The following ATG9B variants were observed in gnomAD, a reference collection of about 807,000 sequenced individuals.
ATG9B encodes the protein autophagy-related protein 9B.
A neutral mutation model predicts 92.9 loss-of-function variants in ATG9B; 92 were observed. The observed-to-expected ratio is 0.99, with a 90% CI of 0.84 to 1.18. ATG9B has a LOEUF of 1.18. Ranked by LOEUF, ATG9B falls within the 50% of genes most tolerant of loss-of-function variation. The pLI is 0.00. For missense variants in ATG9B, 1,344 were observed against 1,235.0 expected, an observed-to-expected ratio of 1.09 and a Z score of -1.32; for synonymous variants, 599 against 551.4, an observed-to-expected ratio of 1.09 and a Z score of -1.21.
At chr7:151,014,484 T>TA, downstream of ATG9B, 1 of 379,024 alleles carries the variant, frequency 2.6e-6, no homozygotes, top group Non-Finnish European at 4.7e-6. Context: ...AGGAGTATCT[T>TA]ACCTGTAAAG....
At chr7:151,019,408 C>T (rs371827481) in intron 5 of ATG9B, 34 bp from the exon 6 acceptor site, 2 of 1,496,518 alleles carry the variant, frequency 1.3e-6, no homozygotes, top group Non-Finnish European at 8.8e-7. Context: ...CAGCGACCCC[C>T]CATTCCTCTC....
At chr7:151,012,214 T>G (rs1584913599), downstream of ATG9B, 164 of 596,464 alleles carry the variant, frequency 2.7e-4, no homozygotes, top group Middle Eastern at 1.1e-3. Flanking sequence ...TAGAGTTGTT[T>G]TTTGTTTTTT....
rs751667981 is a variant in ATG9B, at chr7:151,018,927, G to A, written c.1411C>T (p.Arg471Cys). ...VFYSHVELLR[R>C]EPGALGARGW... ...CGCGCCCCCAGCGCGCCAGGCTCGC[G>A]CCGCAGCAGCTCCACGTGGCTATAG... Residue 471 changes from arginine to cysteine, a missense_variant, in exon 6 of 14, where the codon CGC becomes TGC. Transcript: ENST00000639579. This position sits in a 1 kb window ranked among gnomAD's most constrained non-coding sequence, Gnocchi z 4.7. 2.6e-6 allele frequency: 4 copies of A among 1,529,378 alleles called. No individual in the cohort carries two copies. The highest frequency in any genetic ancestry group is 2.6e-6 in the Non-Finnish European group (3 of 1,147,122). 94.7% of individuals were successfully genotyped at this position (1,529,378 alleles called of 1,614,324 possible).
chr7:151,014,374 G>A (rs1346137105), downstream of ATG9B: 2 of 567,148 alleles, frequency 3.5e-6, no homozygotes, highest in Non-Finnish European at 6.0e-6. Context: ...GCCTGGGTCC[G>A]CCTTAATCTG....
intron 8 of ATG9B, 52 bp downstream of exon 8, chr7:151,017,819 C>A (rs1584923597): frequency 1.3e-6 from 2 of 1,504,036 alleles, no homozygotes; most frequent in African/African-American, 2.8e-5. Flanking sequence ...TCCCGAGAGG[C>A]AAGCGAACTC....
intron 8 of ATG9B, among the ~76,000 whole-genome samples, 179 bp downstream of exon 8, chr7:151,017,692 A>G (rs1795557754): frequency 6.6e-6 from 1 of 152,188 alleles, no homozygotes; most frequent in South Asian, 2.1e-4. Context: ...TGCTCTGGAG[A>G]GCACATTGCC....
At chr7:151,023,367 A>G (rs1353725916) in intron 3 of ATG9B, 78 bp downstream of exon 3, 1 of 1,600,442 alleles carries the variant, frequency 6.2e-7, no homozygotes. Context: ...AGCAGCTGGC[A>G]CAATTAAGGA....
In ATG9B at chr7:151,024,102, C is replaced by G; in HGVS notation, c.322G>C (p.Ala108Pro). The G allele has an allele frequency of 6.2e-7, 1 of 1,605,452 alleles. No homozygotes were observed. Among genetic ancestry groups the G allele is most frequent in the Non-Finnish European group, 8.5e-7 (1 of 1,176,138 alleles). ...PTQAQPAMTP[A>P]SASPSWGSHS... is the part of the protein sequence containing the mutation. ...GATCCCCAGGAGGGAGATGCAGAGG[C>G]AGGTGTCATTGCAGGTTGAGCCTGT... Residue 108 changes from alanine to proline, a missense_variant, in exon 1 of 14, where the codon GCC becomes CCC. Physicochemically the swap from Ala to Pro is conservative, Grantham distance 27. Coordinates refer to ENST00000639579, the MANE Select transcript of ATG9B (RefSeq NM_001317056.2).
At chr7:151,013,269 C>T, downstream of ATG9B, 1 of 1,613,964 alleles carries the variant, frequency 6.2e-7, no homozygotes, top group Admixed American at 1.7e-5. Context: ...GTTCGGCTGC[C>T]GATGCTCCCA....
chr7:151,016,921 G>A, intron 9 of ATG9B, 100 bp from the exon 10 acceptor site: 2 of 1,514,996 alleles, frequency 1.3e-6, no homozygotes, highest in East Asian at 4.6e-5. Flanking sequence ...AGGAGAGCAG[G>A]CTGGGGGCGG....
In ATG9B at chr7:151,018,237, T is replaced by A; in HGVS notation, c.1872+57A>T. On this transcript the variant is annotated intron_variant, in intron 7 of 13. Coordinates refer to ENST00000639579, the MANE Select transcript of ATG9B (RefSeq NM_001317056.2). The surrounding 1 kb of genome is among the most constrained non-coding windows in gnomAD (Gnocchi z 4.7). ...ACAGACCCTCCGCGCAGACAGACCC[T>A]CCGCGCAGACAGACCCCACAACTTC... 6.7e-7 allele frequency: 1 copy of A among 1,501,412 alleles called. No individual in the cohort carries two copies. Among genetic ancestry groups the A allele is most frequent in the Non-Finnish European group, 8.8e-7 (1 of 1,134,266 alleles). 93.0% of individuals were successfully genotyped at this position (1,501,412 alleles called of 1,614,324 possible).
intron 13 of ATG9B, 70 bp from the exon 14 acceptor site, chr7:151,015,783 C>T: frequency 7.0e-7 from 1 of 1,423,236 alleles, no homozygotes; most frequent in Non-Finnish European, 9.3e-7. Context: ...CCTCCCATCA[C>T]CCCAAATTCC....
downstream of ATG9B, chr7:151,014,001 C>G (rs771308563): frequency 6.8e-6 from 11 of 1,611,502 alleles, no homozygotes; most frequent in Non-Finnish European, 8.5e-6. Flanking sequence ...GTGCTCTTTT[C>G]CGACAGGATC....
rs1273683599 is a variant in ATG9B, at chr7:151,018,024, G to C, written c.1899C>G (p.Ser633=). The change falls in exon 8 of 14, where the codon TCC becomes TCG. Residue 633 remains serine (S), a synonymous_variant. Coordinates refer to ENST00000639579, the MANE Select transcript of ATG9B (RefSeq NM_001317056.2). The surrounding 1 kb of genome is among the most constrained non-coding windows in gnomAD (Gnocchi z 4.7). ...RAVSLLEELL[S]PLLTPLFLLF... is the part of the protein sequence containing the mutation. ...GCAGAAACAGCGGGGTGAGGAGCGG[G>C]GACAGGAGCTCCTCCAGGAGGGAGA... 1.3e-6 allele frequency: 2 copies of C among 1,596,652 alleles called. No individual in the cohort carries two copies. The highest frequency in any genetic ancestry group is 2.7e-5 in the African/African-American group (2 of 74,798).
intron 11 of ATG9B, 48 bp downstream of exon 11, chr7:151,016,383 T>G: frequency 6.5e-7 from 1 of 1,538,942 alleles, no homozygotes; most frequent in Non-Finnish European, 8.8e-7. Context: ...TCCATGTTGT[T>G]CACCTGCCTT....
chr7:151,018,039 C>T lies in ATG9B; in HGVS notation c.1884G>A (p.Leu628=). ...QLLQYRAVSL[L]EELLSPLLTP... Reference sequence around the variant, plus strand: ...TGAGGAGCGGGGACAGGAGCTCCTCCAGGAGGGAGACCTGGGGAAGCAGCG... The same window carrying T: ...TGAGGAGCGGGGACAGGAGCTCCTCTAGGAGGGAGACCTGGGGAAGCAGCG... The change falls in exon 8 of 14, where the codon CTG becomes CTA. Residue 628 remains leucine (L), a synonymous_variant. Transcript: ENST00000639579. This position sits in a 1 kb window ranked among gnomAD's most constrained non-coding sequence, Gnocchi z 4.7. 6.3e-7 allele frequency: 1 copy of T among 1,586,704 alleles called. No individual in the cohort carries two copies. The highest frequency in any genetic ancestry group is 1.1e-5 in the South Asian group (1 of 87,368).
downstream of ATG9B, chr7:151,013,360 G>A (rs748543095): frequency 1.2e-6 from 2 of 1,613,396 alleles, no homozygotes; most frequent in Non-Finnish European, 1.7e-6. Context: ...GCCTTCTCCC[G>A]GGAACCTGAC....
intron 13 of ATG9B, 41 bp downstream of exon 13, chr7:151,015,841 T>C: frequency 2.0e-6 from 3 of 1,529,494 alleles, no homozygotes; most frequent in Non-Finnish European, 1.8e-6. Flanking sequence ...CAACTACCTA[T>C]GCCGTCCTTT....
In ATG9B at chr7:151,023,970, C is replaced by A; in HGVS notation, c.454G>T (p.Glu152Ter). 6.3e-7 allele frequency: 1 copy of A among 1,591,092 alleles called. No individual in the cohort carries two copies. The highest frequency in any genetic ancestry group is 8.6e-7 in the Non-Finnish European group (1 of 1,168,748). ...TCAGGGTCACAGTCCTCCAGCCGCT[C>A]ATAATCCTGTTCAGGGATCAAAGGG... ...VGPLIPEQDY[E>*]RLEDCDPEGS... Residue 152 changes from glutamate (E) to a stop codon, truncating the protein, a stop_gained, in exon 1 of 14, where the codon GAG (glutamate) becomes TAG (stop). Coordinates refer to ENST00000639579, the MANE Select transcript of ATG9B (RefSeq NM_001317056.2). LOFTEE classifies it high-confidence loss of function.
Sources: allele counts gnomAD v4.1 joint callset (sites outside exome capture counted in the v4.1 genomes callset), GRCh38; gene constraint gnomAD v4.1.1; non-coding constraint Gnocchi (gnomAD v3.1); transcripts MANE v1.5; gene names NCBI Gene and HGNC (gene_info 2026-07-23, HGNC 2026-07-21).